The following CDH2 variants were observed in gnomAD, a reference collection of about 807,000 sequenced individuals.
CDH2 encodes the protein cadherin-2.
In CDH2, 17 loss-of-function variants were observed where a neutral mutation model predicts 92.0. The observed-to-expected ratio is 0.18, with a 90% CI of 0.13 to 0.28. The LOEUF (loss-of-function observed/expected upper bound fraction) is 0.28, where lower values mean the gene tolerates loss of function less well. CDH2 is among the 10% of genes least tolerant of loss of function. The probability of loss-of-function intolerance (pLI) is 1.00; values close to 1 mark genes in which losing one functional copy is unlikely to be tolerated. For synonymous variants in CDH2, 419 were observed against 415.9 expected (o/e 1.01, Z -0.09); for missense variants, 862 against 1,133.1 (o/e 0.76, Z 3.44).
chr18:28,036,527 C>T, intron 2 of CDH2: 6 of 1,607,194 alleles, frequency 3.7e-6, no homozygotes, highest in Non-Finnish European at 5.1e-6. Flanking sequence ...AAGATACACA[C>T]ATAACGCCTT....
chr18:27,992,141 T>A (rs12955211), intron 9 of CDH2, among the ~76,000 whole-genome samples: 44,774 of 152,106 alleles, frequency 0.29, 6,840 homozygotes, highest in Non-Finnish European at 0.32. Context: ...ATTACATTTT[T>A]CTTCTATGGC....
At chr18:28,039,970 C>G (rs982731942) in intron 2 of CDH2, among the ~76,000 whole-genome samples, 2 of 152,236 alleles carry the variant, frequency 1.3e-5, no homozygotes, top group Admixed American at 1.3e-4. Flanking sequence ...AACAACTGAC[C>G]GGCAATGCCA....
At chr18:28,086,570 C>G (rs1305927480) in intron 2 of CDH2, among the ~76,000 whole-genome samples, 1 of 151,810 alleles carries the variant, frequency 6.6e-6, no homozygotes, top group East Asian at 1.9e-4. Context: ...AAATCAGGAC[C>G]CTATGAGCTC....
intron 2 of CDH2, among the ~76,000 whole-genome samples, chr18:28,116,808 G>A (rs956305875): frequency 6.6e-5 from 10 of 152,092 alleles, no homozygotes; most frequent in African/African-American, 1.9e-4. Context: ...TAAAGATACC[G>A]GTGCTACCTG....
intron 4 of CDH2, among the ~76,000 whole-genome samples, chr18:28,010,747 G>T (rs1226765894): frequency 2.0e-5 from 3 of 151,248 alleles, no homozygotes; most frequent in African/African-American, 7.3e-5. Context: ...TCGGCTCACT[G>T]CAAGCTCCAC....
At chr18:28,049,259 G>C (rs1466636274) in intron 2 of CDH2, among the ~76,000 whole-genome samples, 1 of 152,160 alleles carries the variant, frequency 6.6e-6, no homozygotes, top group Non-Finnish European at 1.5e-5. Flanking sequence ...CATTTCAAAA[G>C]CTTCCTCTGT....
chr18:28,148,770 G>T (rs1272784491), intron 1 of CDH2, among the ~76,000 whole-genome samples: 1 of 152,192 alleles, frequency 6.6e-6, no homozygotes, highest in Non-Finnish European at 1.5e-5. Context: ...GAAACAGAGA[G>T]ATCTCAGAAC....
chr18:27,971,472 T>C (rs529227232), intron 14 of CDH2, among the ~76,000 whole-genome samples: 2 of 152,288 alleles, frequency 1.3e-5, no homozygotes, highest in East Asian at 3.9e-4. Flanking sequence ...TCTAAAATAC[T>C]GTGTCACTTG....
rs1333682107 is a variant in CDH2, at chr18:28,177,060, C to A, written c.-38G>T. Reference sequence around the variant, plus strand: ...GGGCCGAGCGAAGAGCCGGAGGAGGCGGCGGCGGCGGCGGCGGCGGCGGAG... The same window carrying A: ...GGGCCGAGCGAAGAGCCGGAGGAGGAGGCGGCGGCGGCGGCGGCGGCGGAG... On this transcript the variant is annotated 5_prime_UTR_variant, in exon 1 of 16. Transcript: ENST00000269141. The A allele has an allele frequency of 8.2e-5, 92 of 1,128,588 alleles. No homozygotes were observed. The highest frequency in any genetic ancestry group is 6.2e-4 in the African/African-American group (33 of 53,284). The allele number at this position is 1,128,588 out of a possible 1,614,324, so 69.9% of individuals were successfully genotyped here. A position where few individuals can be genotyped will look rare whatever the true frequency, so the allele number is the denominator to read the frequency against.
intron 14 of CDH2, among the ~76,000 whole-genome samples, chr18:27,969,678 T>G (rs1210017568): frequency 6.6e-5 from 10 of 152,336 alleles, no homozygotes; most frequent in African/African-American, 1.9e-4. Context: ...TCTAATGTCT[T>G]TTAAAAGGAC....
At chr18:28,033,368 GTC>G (rs2013746075) in intron 2 of CDH2, among the ~76,000 whole-genome samples, 1 of 152,086 alleles carries the variant, frequency 6.6e-6, no homozygotes, top group Non-Finnish European at 1.5e-5. Flanking sequence ...GAGAAAAACA[GTC>G]TCTAGGTAGA....
chr18:28,151,795 G>A (rs2016126682), intron 1 of CDH2, among the ~76,000 whole-genome samples: 1 of 152,194 alleles, frequency 6.6e-6, no homozygotes, highest in Non-Finnish European at 1.5e-5. Flanking sequence ...TGGTGCATGG[G>A]TTGGCAAGCT....
rs1444711215 is a variant in CDH2, at chr18:28,013,863, G to A, written c.219C>T (p.Ser73=). The part of the protein sequence containing the change: ...CNGKRKVQYE[S]SEPADFKVDE... The stretch of plus-strand genomic sequence containing the variant: ...CCACCTTAAAATCTGCAGGCTCACT[G>A]CTCTCATATTGTACTTTTCTTTTTC... The change falls in exon 3 of 16, where the codon AGC becomes AGT. Residue 73 remains serine, a synonymous_variant. Transcript: ENST00000269141. 1 of 1,613,694 alleles carries A rather than the reference G, an allele frequency of 6.2e-7. No homozygotes were observed. The highest frequency in any genetic ancestry group is 8.5e-7 in the Non-Finnish European group (1 of 1,179,898).
chr18:27,941,826 T>C (rs879323200), intron 6 of CDH2, among the ~76,000 whole-genome samples: 2 of 152,238 alleles, frequency 1.3e-5, no homozygotes, highest in Non-Finnish European at 2.9e-5. Flanking sequence ...CTTTAGGATC[T>C]ATCACTTCCA....
At chr18:27,980,237 C>T (rs1198125589) in intron 14 of CDH2, among the ~76,000 whole-genome samples, 1 of 152,152 alleles carries the variant, frequency 6.6e-6, no homozygotes, top group African/African-American at 2.4e-5. Context: ...TCTGCACCCA[C>T]CACTGACGCT....
intron 2 of CDH2, among the ~76,000 whole-genome samples, chr18:28,120,828 ATTAAG>A (rs1248656063): frequency 2.6e-5 from 4 of 152,134 alleles, no homozygotes; most frequent in African/African-American, 9.7e-5. Flanking sequence ...CACCCACACT[ATTAAG>A]TTGTTTGTTG....
Position 28,119,948 on chromosome 18 carries a change from A to G in CDH2, c.172+27725T>C, listed in dbSNP as rs186136195. 2.0e-5 allele frequency among the ~76,000 whole-genome samples: 3 copies of G among 152,144 alleles called. No individual in the cohort carries two copies. The East Asian group carries it at 5.8e-4, about 30-fold the overall frequency. Reference sequence around the variant, plus strand: ...GAGGGCAATACTATACGAGGACCAAATGACAATGAAGGAATCGGGATCCCT... The same window carrying G: ...GAGGGCAATACTATACGAGGACCAAGTGACAATGAAGGAATCGGGATCCCT... On this transcript the variant is annotated intron_variant, in intron 2 of 15. Transcript: ENST00000269141.
intron 14 of CDH2, among the ~76,000 whole-genome samples, chr18:27,976,234 T>C (rs1442653212): frequency 6.6e-6 from 1 of 152,152 alleles, no homozygotes; most frequent in African/African-American, 2.4e-5. Context: ...TTTATCACCT[T>C]GAGGCTGGCA....
intron 2 of CDH2, among the ~76,000 whole-genome samples, chr18:28,087,713 A>G (rs1289260873): frequency 6.6e-6 from 1 of 152,190 alleles, no homozygotes; most frequent in Admixed American, 6.5e-5. Flanking sequence ...TGACACACAT[A>G]TTCACCAATG....
Sources: gnomAD v4.1 joint callset for allele counts (sites outside exome capture counted in the v4.1 genomes callset) on GRCh38, gnomAD v4.1.1 for gene constraint, MANE v1.5 for transcripts, NCBI Gene and HGNC (gene_info 2026-07-23, HGNC 2026-07-21) for gene names.